Variants in OTOF observed in about 807,000 individuals in gnomAD.
OTOF encodes fer-1-like family member 2.
Under a neutral mutation model 236.8 loss-of-function variants are expected in OTOF, and 218 were observed. The ratio of observed to expected loss-of-function variants is 0.92; its 90% CI spans 0.82 to 1.03. The LOEUF is 1.03. Ranked by LOEUF, OTOF falls within the 50% of genes least tolerant of loss-of-function variation. The probability of loss-of-function intolerance (pLI) is 0.00; values close to 1 mark genes in which losing one functional copy is unlikely to be tolerated. For missense variants in OTOF, 2,590 were observed against 2,694.4 expected, an observed-to-expected ratio of 0.96 and a Z score of 0.86; for synonymous variants, 1,041 against 1,072.5, an observed-to-expected ratio of 0.97 and a Z score of 0.57.
At position 26,470,522 on chromosome 2, in the gene OTOF, G is replaced by T; in HGVS notation, c.4023+71C>A. ...TTGGGATCCAGCTCTTGGGGGCCGT[G>T]GGAAAGAAGCTGGACAGGAGGGTCT... On this transcript the variant is annotated intron_variant, in intron 32 of 46. Transcript: ENST00000272371. The surrounding 1 kb of genome is among the most constrained non-coding windows in gnomAD (Gnocchi z 4.3). 1 of 1,493,716 alleles carries T rather than the reference G, an allele frequency of 6.7e-7. No homozygotes were observed. The highest frequency in any genetic ancestry group is 9.3e-7 in the Non-Finnish European group (1 of 1,071,116). 92.5% of individuals were successfully genotyped at this position (1,493,716 alleles called of 1,614,324 possible).
chr2:26,482,647 A>AGTGGGTGCATATG, intron 13 of OTOF, 55 bp from the exon 14 acceptor site: 1 of 1,454,770 alleles, frequency 6.9e-7, no homozygotes, highest in African/African-American at 1.5e-5. Context: ...GAGTGGGTGC[A>AGTGGGTGCATATG]TGTGTGTGTG....
intron 1 of OTOF, among the ~76,000 whole-genome samples, chr2:26,553,175 C>T (rs1667504793): frequency 6.6e-6 from 1 of 152,202 alleles, no homozygotes; most frequent in Non-Finnish European, 1.5e-5. Flanking sequence ...TGCACAATCA[C>T]TCAGCAGGCC....
At chr2:26,532,637 G>C (rs575320422) in intron 2 of OTOF, among the ~76,000 whole-genome samples, 17 of 152,300 alleles carry the variant, frequency 1.1e-4, no homozygotes, top group African/African-American at 4.1e-4. Context: ...CAAGGTGGTA[G>C]GTAGTACAGA....
intron 1 of OTOF, among the ~76,000 whole-genome samples, chr2:26,556,196 GC>G (rs1422977711): frequency 6.6e-6 from 1 of 152,190 alleles, no homozygotes; most frequent in East Asian, 1.9e-4. Flanking sequence ...GGAGCCTGGG[GC>G]CAGTGTCTCC....
chr2:26,537,890 G>T, intron 1 of OTOF, 116 bp from the exon 2 acceptor site: 1 of 780,690 alleles, frequency 1.3e-6, no homozygotes, highest in Non-Finnish European at 2.2e-6. Flanking sequence ...CATGCAACAT[G>T]GGACCTCGTG....
At chr2:26,523,584 G>A (rs932294457) in intron 3 of OTOF, among the ~76,000 whole-genome samples, 1 of 152,144 alleles carries the variant, frequency 6.6e-6, no homozygotes, top group Non-Finnish European at 1.5e-5. Context: ...TGAGTGCCCT[G>A]AGTCCTTCAG....
In OTOF at chr2:26,513,442, C is replaced by T. The variant is rs139611002; in HGVS notation, c.509+2976G>A. ...CCCCTCCATCCGTGGAAGATTCCAG[C>T]CTGGGCTGCCCGGGGCCTGTCTGGG... On this transcript the variant is annotated intron_variant, in intron 5 of 46. Transcript: ENST00000272371. 7.9e-5 allele frequency among the ~76,000 whole-genome samples: 12 copies of T among 152,268 alleles called. No individual in the cohort carries two copies. The East Asian group carries it at 1.5e-3, about 20-fold the overall frequency.
intron 22 of OTOF, 96 bp from the exon 23 acceptor site, chr2:26,476,413 G>C: frequency 3.3e-6 from 4 of 1,194,598 alleles, no homozygotes; most frequent in Non-Finnish European, 3.6e-6. Context: ...GGTCAGAGCT[G>C]CCCTGCCCCT....
chr2:26,555,054 G>A (rs1377357553), intron 1 of OTOF, among the ~76,000 whole-genome samples: 1 of 152,164 alleles, frequency 6.6e-6, no homozygotes, highest in African/African-American at 2.4e-5. Context: ...CAGAAGGTTG[G>A]ACTAGAAGAA....
At chr2:26,464,497 G>A (rs779065951) in intron 39 of OTOF, among the ~76,000 whole-genome samples, 15 of 152,142 alleles carry the variant, frequency 9.9e-5, no homozygotes, top group Non-Finnish European at 2.2e-4. Context: ...GAGAGTTTAA[G>A]GATTAGAGCC....
At chr2:26,535,779 T>C (rs562894857) in intron 2 of OTOF, among the ~76,000 whole-genome samples, 2 of 152,284 alleles carry the variant, frequency 1.3e-5, no homozygotes, top group African/African-American at 4.8e-5. Flanking sequence ...ATGCTCGGAA[T>C]GTGGCCCCTT....
chr2:26,511,243 C>T (rs1162944942), intron 5 of OTOF, among the ~76,000 whole-genome samples: 2 of 152,174 alleles, frequency 1.3e-5, no homozygotes, highest in Non-Finnish European at 2.9e-5. Flanking sequence ...GCTAAGCCTG[C>T]TCTGTGAGGG....
rs79060673 is a variant in OTOF, at chr2:26,540,750, G to A, written c.80-2976C>T. On this transcript the variant is annotated intron_variant, in intron 1 of 46. Coordinates refer to ENST00000272371, the MANE Select transcript of OTOF (RefSeq NM_194248.3). ...GTGTGTGTGTTTTGGGGCGGGGGCA[G>A]GTGGGGAAGGGCTGGCTGCATCTGA... 7.3e-3 allele frequency among the ~76,000 whole-genome samples: 1,114 copies of A among 152,222 alleles called. 7 individuals are homozygous for A. Among genetic ancestry groups the A allele is most frequent in the Admixed American group, 0.023 (346 of 15,284 alleles).
chr2:26,458,135 T>C lies in OTOF; in HGVS notation c.*103A>G. ...CCCAACAGCGCCAGCACGATCTTGA[T>C]GATGAGCCACTTGTACCGGGTGCAG... On this transcript the variant is annotated 3_prime_UTR_variant, in exon 47 of 47. Transcript: ENST00000272371. 1 of 1,614,080 alleles carries C rather than the reference T, an allele frequency of 6.2e-7. No homozygotes were observed. Among genetic ancestry groups the C allele is most frequent in the Non-Finnish European group, 8.5e-7 (1 of 1,179,986 alleles).
In OTOF at chr2:26,461,129, A is replaced by G. The variant is rs1317324264; in HGVS notation, c.5534-99T>C. ...CCTCGGCCCCTTGTTTGCTGAGTGCAGACCTCCCTGAGCCCACATCTCATC... is the reference window on the plus strand; with the variant it reads ...CCTCGGCCCCTTGTTTGCTGAGTGCGGACCTCCCTGAGCCCACATCTCATC... On this transcript the variant is annotated intron_variant, in intron 43 of 46. Transcript: ENST00000272371. This position sits in a 1 kb window ranked among gnomAD's most constrained non-coding sequence, Gnocchi z 6.2. 5 of 1,031,932 alleles carry G rather than the reference A, an allele frequency of 4.8e-6. No individual in the cohort carries two copies. The highest frequency in any genetic ancestry group is 5.8e-6 in the Non-Finnish European group (4 of 689,842). The allele number at this position is 1,031,932 out of a possible 1,614,324, so 63.9% of individuals were successfully genotyped here.
rs1263326553 is a variant in OTOF at position 26,558,545 on chromosome 2, T to C, written c.27A>G (p.Thr9=). The change falls in exon 1 of 47, where the codon ACA becomes ACG. Residue 9 remains threonine, a synonymous_variant. Coordinates refer to ENST00000272371, the MANE Select transcript of OTOF (RefSeq NM_194248.3). ...CGCCCCTGCCCCGCAGCTCCGAGACTGTCTTGAGGTGGATGAGCAAGGCCA... is the reference window on the plus strand; with the variant it reads ...CGCCCCTGCCCCGCAGCTCCGAGACCGTCTTGAGGTGGATGAGCAAGGCCA... The part of the protein sequence containing the change: MALLIHLK[T]VSELRGRGDR... 2.5e-6 allele frequency: 4 copies of C among 1,613,826 alleles called. No individual in the cohort carries two copies. Among genetic ancestry groups the C allele is most frequent in the Non-Finnish European group, 3.4e-6 (4 of 1,179,890 alleles).
intron 6 of OTOF, among the ~76,000 whole-genome samples, chr2:26,502,696 T>A (rs1039867016): frequency 1.3e-5 from 2 of 152,206 alleles, no homozygotes; most frequent in Non-Finnish European, 2.9e-5. Context: ...GAATATCTCT[T>A]ATGGAAGAAG....
intron 15 of OTOF, 116 bp from the exon 16 acceptor site, chr2:26,480,427 C>T (rs62127670): frequency 5.3e-6 from 4 of 747,824 alleles, no homozygotes; most frequent in Non-Finnish European, 9.4e-6. Flanking sequence ...GGCATCCCAC[C>T]CGGCTTTGGG....
At chr2:26,505,228 A>T (rs578053169) in intron 5 of OTOF, among the ~76,000 whole-genome samples, 10 of 152,202 alleles carry the variant, frequency 6.6e-5, no homozygotes, top group Non-Finnish European at 1.2e-4. Context: ...TTTAGGGAAC[A>T]TTAGCATGTT....
Sources: allele counts gnomAD v4.1 joint callset (sites outside exome capture counted in the v4.1 genomes callset), GRCh38; gene constraint gnomAD v4.1.1; non-coding constraint Gnocchi (gnomAD v3.1); transcripts MANE v1.5; gene names NCBI Gene and HGNC (gene_info 2026-07-23, HGNC 2026-07-21).